HBS1L: variants seen among roughly 807,000 people sequenced by gnomAD.
HBS1L encodes the protein HBS1-like protein.
Under a neutral mutation model 88.9 loss-of-function variants are expected in HBS1L, and 55 were observed. The ratio of observed to expected loss-of-function variants is 0.62; its 90% CI spans 0.50 to 0.77. The LOEUF is 0.77. Ranked by LOEUF, HBS1L falls within the 30% of genes least tolerant of loss-of-function variation. The pLI, the probability that HBS1L is intolerant of heterozygous loss-of-function variation, is 0.00. For missense variants in HBS1L, 741 were observed against 829.3 expected (o/e 0.89, Z 1.31); for synonymous variants, 267 against 288.5 (o/e 0.93, Z 0.76).
At position 135,038,047 on chromosome 6, in the gene HBS1L, A is replaced by C. The variant is rs373832150; in HGVS notation, c.430+1526T>G. The C allele has an allele frequency of 3.8e-5, 56 of 1,457,784 alleles. 1 individual carries two copies. The highest frequency in any genetic ancestry group is 2.7e-4 in the East Asian group (11 of 40,118). The allele number at this position is 1,457,784 out of a possible 1,614,324, so 90.3% of individuals were successfully genotyped here. On this transcript the variant is annotated intron_variant, in intron 4 of 17. Transcript: ENST00000367837. ...GACTCCTTACCTTACAAGAGCCATTAATTTTCAGATGAATAGGTTGATATA... is the reference window on the plus strand; with the variant it reads ...GACTCCTTACCTTACAAGAGCCATTCATTTTCAGATGAATAGGTTGATATA...
At chr6:135,040,044 A>T (rs1212209484) in intron 3 of HBS1L, among the ~76,000 whole-genome samples, 1 of 152,252 alleles carries the variant, frequency 6.6e-6, no homozygotes, top group Non-Finnish European at 1.5e-5. Flanking sequence ...CACAGTATAC[A>T]CTAATATCTA....
At chr6:135,001,290 A>T (rs1014825033) in intron 5 of HBS1L, among the ~76,000 whole-genome samples, 6 of 152,168 alleles carry the variant, frequency 3.9e-5, no homozygotes, top group Non-Finnish European at 7.3e-5. Flanking sequence ...GTTTTCAAAA[A>T]TTATGCACAT....
At chr6:135,054,578 G>A (rs964046687) in intron 1 of HBS1L, 71 bp downstream of exon 1, 3 of 1,557,720 alleles carry the variant, frequency 1.9e-6, no homozygotes, top group Non-Finnish European at 2.6e-6. Context: ...ACAGATTGAA[G>A]TGGATGCCAA....
At chr6:134,983,831 G>A (rs1168860045) in intron 12 of HBS1L, among the ~76,000 whole-genome samples, 1 of 152,158 alleles carries the variant, frequency 6.6e-6, no homozygotes, top group Non-Finnish European at 1.5e-5. Flanking sequence ...GACAGAGAAT[G>A]AGGAGCCCAT....
chr6:135,036,116 T>C (rs1776540367), intron 4 of HBS1L: 1 of 665,340 alleles, frequency 1.5e-6, no homozygotes, highest in African/African-American at 2.0e-5. Flanking sequence ...TATCATATTT[T>C]AAAATATAAC....
intron 15 of HBS1L, 34 bp downstream of exon 15, chr6:134,978,645 A>G: frequency 8.5e-7 from 1 of 1,178,146 alleles, no homozygotes. Context: ...TTGAATTTAT[A>G]AAAACAGGAA....
At chr6:135,050,984 T>C (rs962637195) in intron 1 of HBS1L, among the ~76,000 whole-genome samples, 4 of 152,148 alleles carry the variant, frequency 2.6e-5, no homozygotes, top group Admixed American at 2.6e-4. Flanking sequence ...TCCCAGCACT[T>C]TGGGAGGCCG....
chr6:134,985,374 G>A lies in HBS1L; in HGVS notation c.1459C>T (p.Pro487Ser). The change falls in exon 12 of 18, where the codon CCT (proline) becomes TCT (serine). Residue 487 changes from proline (P) to serine (S), a missense_variant. Pro to Ser is a moderately conservative substitution (Grantham distance 74). Transcript: ENST00000367837. The stretch of plus-strand genomic sequence containing the variant: ...ACATCGGACACACATAATCTAAAAG[G>A]TTTGTCAATAGATCGCTGGGGAGGC... ...FKPPQRSIDK[P>S]FRLCVSDVFK... 3 of 1,606,510 alleles carry A rather than the reference G, an allele frequency of 1.9e-6. No individual in the cohort carries two copies. Among genetic ancestry groups the A allele is most frequent in the Non-Finnish European group, 2.5e-6 (3 of 1,176,674 alleles).
intron 13 of HBS1L, among the ~76,000 whole-genome samples, chr6:134,980,474 A>G (rs1774797101): frequency 6.6e-6 from 1 of 152,040 alleles, no homozygotes; most frequent in African/African-American, 2.4e-5. Context: ...TAGAATGAAC[A>G]TATCTGAATT....
At chr6:134,987,879 A>G in intron 8 of HBS1L, 88 bp from the exon 9 acceptor site, 1 of 1,190,904 alleles carries the variant, frequency 8.4e-7, no homozygotes, top group Non-Finnish European at 1.1e-6. Flanking sequence ...TGTTAGTCAC[A>G]TTTTTAAAGG....
At chr6:135,017,189 C>G (rs531865363) in intron 4 of HBS1L, among the ~76,000 whole-genome samples, 1 of 152,218 alleles carries the variant, frequency 6.6e-6, no homozygotes, top group East Asian at 1.9e-4. Flanking sequence ...ACCAGATGGC[C>G]TTTTAAGGTT....
At chr6:135,039,048 G>A (rs1776645504) in intron 4 of HBS1L, among the ~76,000 whole-genome samples, 1 of 152,096 alleles carries the variant, frequency 6.6e-6, no homozygotes, top group African/African-American at 2.4e-5. Context: ...TACAGTGGCT[G>A]ACGCCTGCAA....
intron 5 of HBS1L, among the ~76,000 whole-genome samples, chr6:135,002,024 C>T (rs1048236209): frequency 2.0e-5 from 3 of 151,412 alleles, no homozygotes; most frequent in Admixed American, 6.6e-5. Flanking sequence ...TTGATAACAG[C>T]GTTTATCATT....
chr6:135,035,504 G>A (rs1776509776), intron 4 of HBS1L, among the ~76,000 whole-genome samples: 2 of 151,538 alleles, frequency 1.3e-5, no homozygotes, highest in African/African-American at 4.9e-5. Flanking sequence ...ACTTTGGGAG[G>A]CCAAGGCGGG....
intron 16 of HBS1L, among the ~76,000 whole-genome samples, chr6:134,966,920 G>A (rs1774332299): frequency 6.8e-6 from 1 of 147,398 alleles, no homozygotes; most frequent in African/African-American, 2.7e-5. Context: ...GTAATTTATG[G>A]AATGTGTATT....
chr6:134,967,535 TA>T (rs1774350924), intron 16 of HBS1L, among the ~76,000 whole-genome samples: 2 of 152,000 alleles, frequency 1.3e-5, no homozygotes, highest in Admixed American at 1.3e-4. Flanking sequence ...TTGTGCAAAA[TA>T]AAAGGATAAA....
rs1015514255 is a variant in HBS1L, at chr6:134,963,441, G to A, written c.*1838C>T. 2 of 152,114 alleles carry A rather than the reference G, an allele frequency of 1.3e-5. No homozygotes were observed. The allele number at this position is 152,114 out of a possible 1,614,324, so 9.4% of individuals were successfully genotyped here. A position where few individuals can be genotyped will look rare whatever the true frequency, so the allele number is the denominator to read the frequency against. On this transcript the variant is annotated 3_prime_UTR_variant, in exon 18 of 18. Transcript: ENST00000367837. ...GTTTTTTATGGGTGGCAGGGTGACA[G>A]GTCTTGCTCTGTCACCCAGGCTGGA... is the stretch of plus-strand genomic sequence containing the variant.
At chr6:135,049,847 C>A (rs1213441876) in intron 2 of HBS1L, among the ~76,000 whole-genome samples, 1 of 152,218 alleles carries the variant, frequency 6.6e-6, no homozygotes, top group African/African-American at 2.4e-5. Context: ...GCCGGGATTA[C>A]AGGCGTGAGC....
chr6:135,045,653 T>C (rs1037621030), intron 2 of HBS1L, among the ~76,000 whole-genome samples: 10 of 152,112 alleles, frequency 6.6e-5, no homozygotes, highest in African/African-American at 4.8e-5. Flanking sequence ...CTGGCCAACA[T>C]GGCAAAACCC....
Sources: gnomAD v4.1 joint callset for allele counts (sites outside exome capture counted in the v4.1 genomes callset) on GRCh38, gnomAD v4.1.1 for gene constraint, MANE v1.5 for transcripts, NCBI Gene and HGNC (gene_info 2026-07-23, HGNC 2026-07-21) for gene names.